The following TUBA8 variants were observed in gnomAD, a reference collection of about 807,000 sequenced individuals.
The protein encoded by TUBA8 is tubulin alpha-8 chain.
Under a neutral mutation model 34.7 loss-of-function variants are expected in TUBA8, and 29 were observed. The ratio of observed to expected loss-of-function variants is 0.84; its 90% CI spans 0.62 to 1.14. The LOEUF is 1.14. Among genes scored for constraint, TUBA8 ranks in the 50% most tolerant of loss-of-function variants. TUBA8 has a pLI of 0.00. For synonymous variants in TUBA8, 226 were observed against 231.2 expected, an observed-to-expected ratio of 0.98 and a Z score of 0.21; for missense variants, 541 against 599.2, an observed-to-expected ratio of 0.90 and a Z score of 1.01.
Position 18,124,196 on chromosome 22 carries a change from A to G in TUBA8, c.267A>G (p.Pro89=), listed in dbSNP as rs372938703. Residue 89 remains proline (P), a synonymous_variant, in exon 3 of 5, where the codon CCA becomes CCG. Transcript: ENST00000330423. This position sits in a 1 kb window ranked among gnomAD's most constrained non-coding sequence, Gnocchi z 4.3. ...GAACCTACCGCCAGCTCTTCCATCC[A>G]GAGCAGCTGATCACAGGAAAGGAGG... ...RAGTYRQLFH[P]EQLITGKEDA... 1.2e-5 allele frequency: 19 copies of G among 1,614,106 alleles called. 1 individual carries two copies. The highest frequency in any genetic ancestry group is 4.2e-6 in the Non-Finnish European group (5 of 1,180,038).
Position 18,130,960 on chromosome 22 carries a change from G to C in TUBA8, c.1174G>C (p.Asp392His), listed in dbSNP as rs1380293843. The C allele has an allele frequency of 2.5e-6, 4 of 1,614,052 alleles. No homozygotes were observed. Among genetic ancestry groups the C allele is most frequent in the South Asian group, 1.1e-5 (1 of 91,076 alleles). Residue 392 changes from aspartate (D) to histidine (H), a missense_variant, in exon 5 of 5, where the codon GAC becomes CAC. Transcript: ENST00000330423. Reference sequence around the variant, plus strand: ...CATTGCGGAGGCCTGGGCCCGCCTCGACCACAAGTTCGACCTCATGTACGC... The same window carrying C: ...CATTGCGGAGGCCTGGGCCCGCCTCCACCACAAGTTCGACCTCATGTACGC... ...TAIAEAWARL[D>H]HKFDLMYAKR...
chr22:18,114,514 C>T (rs879257402), intron 1 of TUBA8: 2 of 152,216 alleles, frequency 1.3e-5, no homozygotes, highest in African/African-American at 4.8e-5. Flanking sequence ...GCCCTATGAT[C>T]GAAGAGTTCT....
chr22:18,130,631 T>G, intron 4 of TUBA8: 1 of 627,442 alleles, frequency 1.6e-6, no homozygotes, highest in Non-Finnish European at 2.8e-6. Flanking sequence ...TTTGCTCTGT[T>G]GCCCTGCCTG....
chr22:18,119,109 GA>G lies in TUBA8; in HGVS notation c.4-2366del, dbSNP rs1390925341. The G allele has an allele frequency of 6.6e-6, 1 of 152,216 alleles. No homozygotes were observed. Among genetic ancestry groups the G allele is most frequent in the African/African-American group, 2.4e-5 (1 of 41,416 alleles). 9.4% of individuals were successfully genotyped at this position (152,216 alleles called of 1,614,324 possible). On this transcript the variant is annotated intron_variant, in intron 1 of 4. Transcript: ENST00000330423. The surrounding 1 kb of genome is among the most constrained non-coding windows in gnomAD (Gnocchi z 5.9). ...CACAGAGGACACTGTCACTTAGAAG[GA>G]AAATACATAGGATCAGGCCCCCCTC...
At chr22:18,125,869 T>TA (rs1259801772) in intron 3 of TUBA8, 6 of 181,766 alleles carry the variant, frequency 3.3e-5, no homozygotes, top group African/African-American at 4.8e-5. Flanking sequence ...GTCATCCTAT[T>TA]AAAAAAAATA....
At chr22:18,112,759 C>T (rs1927851616) in intron 1 of TUBA8, 1 of 152,252 alleles carries the variant, frequency 6.6e-6, no homozygotes. Flanking sequence ...CTAGTAGGTT[C>T]TATCTAGAAC....
intron 1 of TUBA8, chr22:18,117,516 G>C (rs1490168463): frequency 6.6e-6 from 1 of 152,340 alleles, no homozygotes; most frequent in African/African-American, 2.4e-5. Flanking sequence ...GCTCACGCCT[G>C]TAATCCCAGC....
chr22:18,118,148 G>T lies in TUBA8; in HGVS notation c.4-3331G>T, dbSNP rs547685970. On this transcript the variant is annotated intron_variant, in intron 1 of 4. Transcript: ENST00000330423. This position sits in a 1 kb window ranked among gnomAD's most constrained non-coding sequence, Gnocchi z 4.0. ...TATAACAGTGGTTCTTTGGCTCTCG[G>T]CGAAGATCCAGTTCCCCATCAGTCT... 6.6e-6 allele frequency: 1 copy of T among 152,266 alleles called. No individual in the cohort carries two copies. The highest frequency in any genetic ancestry group is 1.9e-4 in the East Asian group (1 of 5,182). 9.4% of individuals were successfully genotyped at this position (152,266 alleles called of 1,614,324 possible).
At chr22:18,114,849 A>T (rs1463591638) in intron 1 of TUBA8, 2 of 152,154 alleles carry the variant, frequency 1.3e-5, no homozygotes, top group Non-Finnish European at 2.9e-5. Context: ...AAATAGTATC[A>T]CAAGACAGCC....
At position 18,131,321 on chromosome 22, in the gene TUBA8, T is replaced by C. The variant is rs538659253; in HGVS notation, c.*185T>C. 1.7e-3 allele frequency: 1,041 copies of C among 630,084 alleles called. 24 individuals are homozygous for C. The South Asian group carries it at 0.019, about 11-fold the overall frequency. 39.0% of individuals were successfully genotyped at this position (630,084 alleles called of 1,614,324 possible). ...GTGGACACTGAGCTTCATCAGGCCCTCCCTGGGTAGGAGCAGCTTTGTGTC... is the reference window on the plus strand; with the variant it reads ...GTGGACACTGAGCTTCATCAGGCCCCCCCTGGGTAGGAGCAGCTTTGTGTC... On this transcript the variant is annotated 3_prime_UTR_variant, in exon 5 of 5. Coordinates refer to ENST00000330423, the MANE Select transcript of TUBA8 (RefSeq NM_018943.3). This position sits in a 1 kb window ranked among gnomAD's most constrained non-coding sequence, Gnocchi z 5.3.
chr22:18,131,721 G>C lies in TUBA8; in HGVS notation c.*585G>C, dbSNP rs2123710981. 6.2e-6 allele frequency: 1 copy of C among 161,666 alleles called. No individual in the cohort carries two copies. The highest frequency in any genetic ancestry group is 5.9e-5 in the Admixed American group (1 of 16,948). 10.0% of individuals were successfully genotyped at this position (161,666 alleles called of 1,614,324 possible). On this transcript the variant is annotated 3_prime_UTR_variant, in exon 5 of 5. Transcript: ENST00000330423. The surrounding 1 kb of genome is among the most constrained non-coding windows in gnomAD (Gnocchi z 5.3). ...TCATACACACATAAATAAAGTGAAT[G>C]AGATCATGTCAGCTGGTGTCAAGTG...
In TUBA8 at chr22:18,131,110, G is replaced by A. The variant is rs1284933116; in HGVS notation, c.1324G>A (p.Glu442Lys). Residue 442 changes from glutamate to lysine, a missense_variant, in exon 5 of 5, where the codon GAA becomes AAA. Transcript: ENST00000330423. This position sits in a 1 kb window ranked among gnomAD's most constrained non-coding sequence, Gnocchi z 5.3. ...YEEVGTDSFE[E>K]ENEGEEF The stretch of plus-strand genomic sequence containing the variant: ...AGAAGTGGGGACTGATTCGTTTGAA[G>A]AAGAAAATGAAGGGGAGGAATTTTA... 2 of 1,614,032 alleles carry A rather than the reference G, an allele frequency of 1.2e-6. No individual in the cohort carries two copies. The highest frequency in any genetic ancestry group is 1.3e-5 in the African/African-American group (1 of 74,936).
intron 2 of TUBA8, chr22:18,123,026 C>T (rs1363132698): frequency 2.2e-5 from 3 of 133,610 alleles, no homozygotes; most frequent in Admixed American, 8.6e-5. Flanking sequence ...AGGAGAATGG[C>T]GTGAACCCGG....
At position 18,121,740 on chromosome 22, in the gene TUBA8, C is replaced by T. The variant is rs183437214; in HGVS notation, c.226+39C>T. On this transcript the variant is annotated intron_variant, in intron 2 of 4. Transcript: ENST00000330423. This position sits in a 1 kb window ranked among gnomAD's most constrained non-coding sequence, Gnocchi z 4.8. ...GAGTTCCCCTCCACAGAGAACATCTCGAAACTGCAGAGGCATTGGCCCACA... is the reference window on the plus strand; with the variant it reads ...GAGTTCCCCTCCACAGAGAACATCTTGAAACTGCAGAGGCATTGGCCCACA... 1.2e-5 allele frequency: 19 copies of T among 1,591,598 alleles called. No homozygotes were observed. Among genetic ancestry groups the T allele is most frequent in the South Asian group, 2.2e-5 (2 of 90,042 alleles).
At position 18,126,706 on chromosome 22, in the gene TUBA8, G is replaced by T. The variant is rs768178362; in HGVS notation, c.728G>T (p.Arg243Leu). 1 of 1,613,942 alleles carries T rather than the reference G, an allele frequency of 6.2e-7. No homozygotes were observed. Among genetic ancestry groups the T allele is most frequent in the East Asian group, 2.2e-5 (1 of 44,892 alleles). The change falls in exon 4 of 5, where the codon CGC becomes CTC. Residue 243 changes from arginine to leucine, a missense_variant. Transcript: ENST00000330423. The surrounding 1 kb of genome is among the most constrained non-coding windows in gnomAD (Gnocchi z 4.0). ...QIVSSITASL[R>L]FDGALNVDLT... ...GTGTCCTCAATCACTGCTTCTCTCC[G>T]CTTTGACGGGGCCCTCAATGTGGAC...
chr22:18,110,850 G>A lies in TUBA8; in HGVS notation c.-16G>A, dbSNP rs1425191957. 6.5e-7 allele frequency: 1 copy of A among 1,544,748 alleles called. No homozygotes were observed. Among genetic ancestry groups the A allele is most frequent in the Admixed American group, 1.9e-5 (1 of 51,680 alleles). ...AGGCCCAGCTGAGAGGTGCGCGGGC[G>A]AGGACAGCGGCAGCGATGGTGAGGC... On this transcript the variant is annotated 5_prime_UTR_variant, in exon 1 of 5. Coordinates refer to ENST00000330423, the MANE Select transcript of TUBA8 (RefSeq NM_018943.3). The surrounding 1 kb of genome is among the most constrained non-coding windows in gnomAD (Gnocchi z 6.2).
chr22:18,121,367 C>A lies in TUBA8; in HGVS notation c.4-112C>A. ...CACCTGCAGCCTCAACGCCAACTGGCAATGGGGGGCTGGGGCCTGGCTGGC... is the reference window on the plus strand; with the variant it reads ...CACCTGCAGCCTCAACGCCAACTGGAAATGGGGGGCTGGGGCCTGGCTGGC... On this transcript the variant is annotated intron_variant, in intron 1 of 4. Coordinates refer to ENST00000330423, the MANE Select transcript of TUBA8 (RefSeq NM_018943.3). This position sits in a 1 kb window ranked among gnomAD's most constrained non-coding sequence, Gnocchi z 4.8. The A allele has an allele frequency of 1.1e-6, 1 of 928,856 alleles. No homozygotes were observed. Among genetic ancestry groups the A allele is most frequent in the Non-Finnish European group, 1.8e-6 (1 of 568,046 alleles). The allele number at this position is 928,856 out of a possible 1,614,324, so 57.5% of individuals were successfully genotyped here.
intron 1 of TUBA8, chr22:18,115,596 T>G (rs1286349280): frequency 1.3e-5 from 2 of 152,300 alleles, no homozygotes; most frequent in East Asian, 3.9e-4. Flanking sequence ...TAATACGGTG[T>G]GATGATTACA....
chr22:18,121,579 C>G lies in TUBA8; in HGVS notation c.104C>G (p.Thr35Ser). The change falls in exon 2 of 5, where the codon ACT becomes AGT. Residue 35 changes from threonine to serine, a missense_variant. Coordinates refer to ENST00000330423, the MANE Select transcript of TUBA8 (RefSeq NM_018943.3). The surrounding 1 kb of genome is among the most constrained non-coding windows in gnomAD (Gnocchi z 4.8). ...CLEHGIQADG[T>S]FDAQASKIND... ...GAACACGGCATCCAGGCAGACGGCA[C>G]TTTTGATGCTCAAGCTAGCAAGATC... The G allele has an allele frequency of 6.2e-7, 1 of 1,614,190 alleles. No homozygotes were observed. The highest frequency in any genetic ancestry group is 1.1e-5 in the South Asian group (1 of 91,084).
Sources: allele counts gnomAD v4.1 joint callset, GRCh38; gene constraint gnomAD v4.1.1; non-coding constraint Gnocchi (gnomAD v3.1); transcripts MANE v1.5; gene names NCBI Gene and HGNC (gene_info 2026-07-23, HGNC 2026-07-21).